Variants in ARID1B observed in about 807,000 individuals in gnomAD.
The protein encoded by ARID1B is AT-rich interactive domain-containing protein 1B.
A neutral mutation model predicts 212.3 loss-of-function variants in ARID1B; 30 were observed. That is an observed-to-expected ratio of 0.14 (90% CI 0.11 to 0.19). The LOEUF (loss-of-function observed/expected upper bound fraction) is 0.19. ARID1B is among the 10% of genes least tolerant of loss of function. The pLI is 1.00. For missense variants in ARID1B, 2,891 were observed against 3,204.0 expected (o/e 0.90, Z 2.36); for synonymous variants, 1,402 against 1,301.7 (o/e 1.08, Z -1.66).
intron 4 of ARID1B, among the ~76,000 whole-genome samples, chr6:156,969,490 T>G (rs535933941): frequency 2.0e-5 from 3 of 152,206 alleles, no homozygotes; most frequent in Non-Finnish European, 4.4e-5. Context: ...GAACTCACTG[T>G]TTAAGCTACT....
intron 3 of ARID1B, among the ~76,000 whole-genome samples, chr6:156,910,326 C>T (rs1789769462): frequency 6.6e-6 from 1 of 152,214 alleles, no homozygotes. Context: ...CCTGCTACCT[C>T]TGCATATCAA....
Position 157,148,525 on chromosome 6 carries a change from T to A in ARID1B, c.2762-99T>A. Reference sequence around the variant, plus strand: ...AAGGGCCTATAACGGTCATGACTAATACTCCGTGCTGATCGCATTGTTGGA... The same window carrying A: ...AAGGGCCTATAACGGTCATGACTAAAACTCCGTGCTGATCGCATTGTTGGA... On this transcript the variant is annotated intron_variant, in intron 7 of 19. Coordinates refer to ENST00000636930, the MANE Select transcript of ARID1B (RefSeq NM_001374828.1). The surrounding 1 kb of genome is among the most constrained non-coding windows in gnomAD (Gnocchi z 5.6). 1 of 1,327,552 alleles carries A rather than the reference T, an allele frequency of 7.5e-7. No individual in the cohort carries two copies. The highest frequency in any genetic ancestry group is 2.4e-5 in the East Asian group (1 of 42,210). The allele number at this position is 1,327,552 out of a possible 1,614,324, so 82.2% of individuals were successfully genotyped here. A position where few individuals can be genotyped will look rare whatever the true frequency, so the allele number is the denominator to read the frequency against.
chr6:157,010,025 G>T (rs1275193474), intron 4 of ARID1B, among the ~76,000 whole-genome samples: 1 of 152,206 alleles, frequency 6.6e-6, no homozygotes, highest in Non-Finnish European at 1.5e-5. Context: ...TCATATGAAA[G>T]AGTGTTAGGG....
intron 2 of ARID1B, among the ~76,000 whole-genome samples, chr6:156,862,911 A>G (rs1440988697): frequency 1.3e-5 from 2 of 152,244 alleles, no homozygotes; most frequent in African/African-American, 4.8e-5. Flanking sequence ...AATAACAGTC[A>G]TTTAAAAACA....
At chr6:156,871,506 G>T in intron 2 of ARID1B, 1 of 920,582 alleles carries the variant, frequency 1.1e-6, no homozygotes, top group East Asian at 2.6e-5. Flanking sequence ...TTCTTGGAGT[G>T]ATTAAGTTGC....
intron 5 of ARID1B, among the ~76,000 whole-genome samples, chr6:157,098,382 T>C (rs1230281921): frequency 1.3e-5 from 2 of 152,056 alleles, no homozygotes; most frequent in African/African-American, 4.8e-5. Flanking sequence ...AGCGATGCCA[T>C]ACCCAAATGT....
intron 5 of ARID1B, among the ~76,000 whole-genome samples, chr6:157,089,204 A>C (rs1329150540): frequency 1.3e-5 from 2 of 152,224 alleles, no homozygotes; most frequent in African/African-American, 2.4e-5. Flanking sequence ...TTGAAAAAAA[A>C]CAATCATTTT....
chr6:157,004,349 A>G (rs535892175), intron 4 of ARID1B, among the ~76,000 whole-genome samples: 52 of 145,650 alleles, frequency 3.6e-4, no homozygotes, highest in African/African-American at 1.3e-3. Context: ...TATGTTTGCT[A>G]AGTGTTTAGC....
chr6:156,851,796 C>T (rs1172966022), intron 2 of ARID1B, among the ~76,000 whole-genome samples: 1 of 152,206 alleles, frequency 6.6e-6, no homozygotes. Context: ...AGCACATACT[C>T]AGAGCTGATT....
intron 4 of ARID1B, among the ~76,000 whole-genome samples, chr6:156,953,301 T>TA (rs1183988620): frequency 1.3e-5 from 2 of 152,224 alleles, no homozygotes; most frequent in African/African-American, 4.8e-5. Flanking sequence ...TACTGGTGCT[T>TA]AAAACGGTTT....
At chr6:157,141,456 C>T (rs1176575146) in intron 7 of ARID1B, among the ~76,000 whole-genome samples, 1 of 151,822 alleles carries the variant, frequency 6.6e-6, no homozygotes, top group Non-Finnish European at 1.5e-5. Context: ...AAAACAAATT[C>T]TCTCTATTTA....
rs148772482 is a variant in ARID1B at position 156,834,106 on chromosome 6, T to C, written c.1986+4685T>C. On this transcript the variant is annotated intron_variant, in intron 2 of 19. Coordinates refer to ENST00000636930, the MANE Select transcript of ARID1B (RefSeq NM_001374828.1). ...ATGTAATTAAAGCCACGTTTTGATA[T>C]AGTTTGCATGAGAGCTCTGAAAAGT... Among the ~76,000 whole-genome samples, 570 of 152,340 alleles carry C rather than the reference T, an allele frequency of 3.7e-3. 4 individuals carry two copies. Among genetic ancestry groups the C allele is most frequent in the African/African-American group, 0.013 (529 of 41,574 alleles).
chr6:156,891,979 C>G (rs565886980), intron 2 of ARID1B, among the ~76,000 whole-genome samples: 1 of 149,638 alleles, frequency 6.7e-6, no homozygotes, highest in Non-Finnish European at 1.5e-5. Flanking sequence ...TCAAGCGATT[C>G]TCCTGCCTCA....
chr6:157,202,614 G>T (rs1301674890), intron 18 of ARID1B, among the ~76,000 whole-genome samples: 1 of 151,898 alleles, frequency 6.6e-6, no homozygotes, highest in Non-Finnish European at 1.5e-5. Flanking sequence ...TTGAGCCCAG[G>T]AGATCAAGGC....
chr6:156,837,351 T>C (rs971484412), intron 2 of ARID1B, among the ~76,000 whole-genome samples: 1 of 152,202 alleles, frequency 6.6e-6, no homozygotes, highest in Non-Finnish European at 1.5e-5. Context: ...TCTAAGTAGT[T>C]CTGAAAACAA....
intron 4 of ARID1B, among the ~76,000 whole-genome samples, chr6:156,968,188 T>C (rs1187579095): frequency 6.6e-6 from 1 of 152,202 alleles, no homozygotes; most frequent in Non-Finnish European, 1.5e-5. Context: ...TAAACTGTTG[T>C]TTTGGTAATA....
intron 4 of ARID1B, among the ~76,000 whole-genome samples, chr6:157,050,203 T>C (rs906261127): frequency 1.3e-5 from 2 of 152,114 alleles, no homozygotes; most frequent in Admixed American, 1.3e-4. Flanking sequence ...TGAAACCCCC[T>C]GTACCCAGTC....
At position 157,210,321 on chromosome 6, in the gene ARID1B, G is replaced by C. The variant is rs1392709925; in HGVS notation, c.*2430G>C. ...ATATTATTCTAATTTCTCTCTTACA[G>C]AGTACAAATAAAAGGTGTATACAAA... On this transcript the variant is annotated 3_prime_UTR_variant, in exon 20 of 20. Coordinates refer to ENST00000636930, the MANE Select transcript of ARID1B (RefSeq NM_001374828.1). The C allele has an allele frequency of 4.3e-6, 1 of 230,496 alleles. No homozygotes were observed. Among genetic ancestry groups the C allele is most frequent in the Non-Finnish European group, 8.6e-6 (1 of 116,492 alleles). 14.3% of individuals were successfully genotyped at this position (230,496 alleles called of 1,614,324 possible). A position where few individuals can be genotyped will look rare whatever the true frequency, so the allele number is the denominator to read the frequency against.
intron 6 of ARID1B, among the ~76,000 whole-genome samples, chr6:157,125,377 G>A (rs978511432): frequency 1.3e-5 from 2 of 152,118 alleles, no homozygotes; most frequent in Non-Finnish European, 1.5e-5. Context: ...TTGGTAGCTG[G>A]GCTACAGATG....
Sources: gnomAD v4.1 joint callset for allele counts (sites outside exome capture counted in the v4.1 genomes callset) on GRCh38, gnomAD v4.1.1 for gene constraint, Gnocchi (gnomAD v3.1) non-coding constraint, MANE v1.5 for transcripts, NCBI Gene and HGNC (gene_info 2026-07-23, HGNC 2026-07-21) for gene names.